Variants in XNDC1N observed in about 807,000 individuals in gnomAD.
The protein encoded by XNDC1N is XRCC1 N-terminal domain containing 1, N-terminal like, also known as protein XNDC1N.
chr11:71,903,383 A>G, the XNDC1N span: 1,532 of 1,448,110 alleles, frequency 1.1e-3, 20 homozygotes, highest in South Asian at 0.014. Flanking sequence ...TTCCTCTCCA[A>G]CCTGTCCTTG....
At chr11:71,922,143 A>G in the XNDC1N span, among the ~76,000 whole-genome samples, 4,908 of 152,300 alleles carry the variant, frequency 0.032, 75 homozygotes, top group East Asian at 0.08. Context: ...CTGGGCAACA[A>G]AGCGAGACTC....
At chr11:71,906,244 G>T in the XNDC1N span, among the ~76,000 whole-genome samples, 1 of 150,988 alleles carries the variant, frequency 6.6e-6, no homozygotes, top group Non-Finnish European at 1.5e-5. Flanking sequence ...AATGTCACAG[G>T]GTGTTATCTT....
At chr11:71,892,833 T>C in the XNDC1N span, among the ~76,000 whole-genome samples, 1 of 152,120 alleles carries the variant, frequency 6.6e-6, no homozygotes. Flanking sequence ...AAGTTATAGA[T>C]TCAATTCATT....
chr11:71,914,191 T>C, the XNDC1N span: 1 of 417,528 alleles, frequency 2.4e-6, no homozygotes. Flanking sequence ...TAGATAGCGA[T>C]TCCTCTGATG....
chr11:71,883,536 A>G, the XNDC1N span, among the ~76,000 whole-genome samples: 40 of 152,312 alleles, frequency 2.6e-4, no homozygotes, highest in East Asian at 6.7e-3. Flanking sequence ...CTGAATATTC[A>G]TATGCAAAAG....
the XNDC1N span, chr11:71,893,415 T>C: frequency 1.4e-6 from 1 of 708,578 alleles, no homozygotes; most frequent in East Asian, 2.7e-5. Context: ...GGCTGGTTTT[T>C]ATCTTTTATT....
At chr11:71,901,112 A>C in the XNDC1N span, among the ~76,000 whole-genome samples, 2 of 152,178 alleles carry the variant, frequency 1.3e-5, no homozygotes, top group Non-Finnish European at 2.9e-5. Context: ...CGAGGATTCC[A>C]GAAAGAATTG....
the XNDC1N span, among the ~76,000 whole-genome samples, chr11:71,883,539 T>A: frequency 3.9e-5 from 6 of 152,162 alleles, no homozygotes; most frequent in African/African-American, 9.7e-5. Context: ...AATATTCATA[T>A]GCAAAAGAAT....
the XNDC1N span, chr11:71,916,303 G>C: frequency 1.4e-6 from 1 of 696,852 alleles, no homozygotes; most frequent in Non-Finnish European, 2.6e-6. Context: ...ATGCATAAAT[G>C]GGAGAGACAG....
At chr11:71,925,743 G>A in the XNDC1N span, among the ~76,000 whole-genome samples, 2 of 151,070 alleles carry the variant, frequency 1.3e-5, no homozygotes, top group East Asian at 3.9e-4. Context: ...AGCCGGACGT[G>A]GTGGCGGGGG....
chr11:71,866,480 G>A, the XNDC1N span, among the ~76,000 whole-genome samples: 1 of 152,230 alleles, frequency 6.6e-6, no homozygotes, highest in African/African-American at 2.4e-5. Flanking sequence ...TAATTTTATT[G>A]TTATATAAAG....
At chr11:71,912,740 T>C in the XNDC1N span, among the ~76,000 whole-genome samples, 1 of 152,092 alleles carries the variant, frequency 6.6e-6, no homozygotes, top group South Asian at 2.1e-4. Context: ...TTAGGAACAA[T>C]ATCAGGAAGG....
the XNDC1N span, among the ~76,000 whole-genome samples, chr11:71,867,535 TCAAAAGTCATTCC>T: frequency 6.6e-6 from 1 of 152,212 alleles, no homozygotes; most frequent in East Asian, 1.9e-4. Flanking sequence ...AGATGCAGCC[TCAAAAGTCATTCC>T]CAAAAGTCAT....
chr11:71,919,113 A>T, the XNDC1N span: 43 of 671,278 alleles, frequency 6.4e-5, no homozygotes, highest in Admixed American at 1.1e-4. Context: ...CTAAAACCCC[A>T]AACCTTCCCA....
the XNDC1N span, among the ~76,000 whole-genome samples, chr11:71,924,360 C>T: frequency 6.6e-6 from 1 of 151,806 alleles, no homozygotes; most frequent in Non-Finnish European, 1.5e-5. Context: ...GCCTGGGTGA[C>T]AGAGTGAGAC....
At chr11:71,866,739 G>C in the XNDC1N span, among the ~76,000 whole-genome samples, 2 of 151,796 alleles carry the variant, frequency 1.3e-5, no homozygotes, top group Non-Finnish European at 2.9e-5. Flanking sequence ...ACTCGAGCCT[G>C]GGCGACAGAG....
the XNDC1N span, among the ~76,000 whole-genome samples, chr11:71,868,567 G>C: frequency 1.3e-5 from 2 of 152,246 alleles, no homozygotes; most frequent in Admixed American, 1.3e-4. Context: ...TAAAATTCTT[G>C]GTTGGGATTT....
chr11:71,902,468 G>A, the XNDC1N span, among the ~76,000 whole-genome samples: 3 of 152,210 alleles, frequency 2.0e-5, no homozygotes, highest in Non-Finnish European at 2.9e-5. Flanking sequence ...TGGGATTACC[G>A]GCGTGAGCCA....
the XNDC1N span, among the ~76,000 whole-genome samples, chr11:71,887,278 A>C: frequency 2.6e-5 from 4 of 152,204 alleles, no homozygotes; most frequent in African/African-American, 9.6e-5. Context: ...CTTGCCTTGC[A>C]CTTGTACTGT....
Sources: gnomAD v4.1 joint callset for allele counts (sites outside exome capture counted in the v4.1 genomes callset) on GRCh38, gnomAD v4.1.1 for gene constraint, MANE v1.5 for transcripts, NCBI Gene and HGNC (gene_info 2026-07-23, HGNC 2026-07-21) for gene names.